Variants in NPAS2 observed in about 807,000 individuals in gnomAD.
NPAS2 encodes neuronal PAS domain protein 2.
In NPAS2, 23 loss-of-function variants were observed where a neutral mutation model predicts 107.5. That is an observed-to-expected ratio of 0.21 (90% CI 0.15 to 0.30). The LOEUF (loss-of-function observed/expected upper bound fraction) is 0.30, where lower values mean the gene tolerates loss of function less well. Among genes scored for constraint, NPAS2 ranks in the 10% least tolerant of loss-of-function variants. The probability of loss-of-function intolerance (pLI) is 1.00; values close to 1 mark genes in which losing one functional copy is unlikely to be tolerated. For synonymous variants in NPAS2, 403 were observed against 417.5 expected (o/e 0.97, Z 0.42); for missense variants, 756 against 1,043.3 (o/e 0.72, Z 3.79).
intron 2 of NPAS2, among the ~76,000 whole-genome samples, chr2:100,922,818 C>T (rs1475335412): frequency 6.6e-6 from 1 of 152,178 alleles, no homozygotes; most frequent in African/African-American, 2.4e-5. Flanking sequence ...TGGAAACAAG[C>T]TTGTGTCTCT....
At chr2:100,974,047 G>T (rs780274724) in intron 12 of NPAS2, among the ~76,000 whole-genome samples, 5 of 152,142 alleles carry the variant, frequency 3.3e-5, no homozygotes, top group Non-Finnish European at 7.4e-5. Context: ...TCACCATGTT[G>T]GCCAGGCTGG....
At chr2:100,876,047 T>C (rs2104602415) in intron 1 of NPAS2, among the ~76,000 whole-genome samples, 1 of 152,280 alleles carries the variant, frequency 6.6e-6, no homozygotes, top group East Asian at 1.9e-4. Flanking sequence ...GTGGATCGAA[T>C]TATTTGCTTT....
intron 2 of NPAS2, among the ~76,000 whole-genome samples, chr2:100,921,933 T>A (rs1360491113): frequency 6.6e-6 from 1 of 152,200 alleles, no homozygotes; most frequent in East Asian, 1.9e-4. Context: ...AACCAGATGT[T>A]GTGGCATATT....
intron 2 of NPAS2, among the ~76,000 whole-genome samples, chr2:100,908,567 A>G (rs1682320515): frequency 1.3e-5 from 2 of 152,170 alleles, no homozygotes; most frequent in Non-Finnish European, 2.9e-5. Context: ...GGGGTAGAGA[A>G]AATAAGTTCT....
chr2:100,899,840 G>A (rs1026875200), intron 1 of NPAS2, among the ~76,000 whole-genome samples: 1 of 152,110 alleles, frequency 6.6e-6, no homozygotes, highest in African/African-American at 2.4e-5. Context: ...CAATTCAACA[G>A]GGAAATAAAT....
At chr2:100,854,760 C>T (rs529880202) in intron 1 of NPAS2, among the ~76,000 whole-genome samples, 28 of 152,270 alleles carry the variant, frequency 1.8e-4, no homozygotes, top group African/African-American at 5.3e-4. Context: ...GCCAAAATAA[C>T]TGAAGCCCCA....
In NPAS2 at chr2:100,837,445, G is replaced by A. The variant is rs567543936; in HGVS notation, c.-23+17031G>A. Among the ~76,000 whole-genome samples the A allele has an allele frequency of 1.0e-3, 159 of 152,148 alleles. 1 individual carries two copies. The highest frequency in any genetic ancestry group is 3.6e-3 in the African/African-American group (149 of 41,512). The stretch of plus-strand genomic sequence containing the variant: ...TGGGATTACAGGCATGCGCCATCAC[G>A]TCCAGCTAATTTTTTTGTATTTTTA... On this transcript the variant is annotated intron_variant, in intron 1 of 20. Transcript: ENST00000335681.
intron 18 of NPAS2, 144 bp from the exon 19 acceptor site, chr2:100,990,636 A>G: frequency 2.0e-6 from 2 of 982,782 alleles, no homozygotes; most frequent in Non-Finnish European, 3.1e-6. Context: ...CGCTGCGTCC[A>G]TCATCCTCAG....
At chr2:100,823,234 A>G (rs1424316452) in intron 1 of NPAS2, among the ~76,000 whole-genome samples, 1 of 152,186 alleles carries the variant, frequency 6.6e-6, no homozygotes, top group African/African-American at 2.4e-5. Flanking sequence ...CTAAATAAAC[A>G]TGTATTAAAT....
intron 19 of NPAS2, among the ~76,000 whole-genome samples, chr2:100,992,393 G>A (rs926240866): frequency 6.6e-6 from 1 of 152,190 alleles, no homozygotes; most frequent in Non-Finnish European, 1.5e-5. Flanking sequence ...GTTAAATGTC[G>A]GCTCTGTGTC....
At chr2:100,970,427 G>A (rs1334446527) in intron 11 of NPAS2, among the ~76,000 whole-genome samples, 3 of 152,224 alleles carry the variant, frequency 2.0e-5, no homozygotes, top group East Asian at 1.9e-4. Context: ...CACACTCGGG[G>A]CAGAGGCACT....
chr2:100,912,101 G>A (rs1323533339), intron 2 of NPAS2, among the ~76,000 whole-genome samples: 1 of 152,148 alleles, frequency 6.6e-6, no homozygotes, highest in Non-Finnish European at 1.5e-5. Context: ...GTATATTTCA[G>A]TTCTACCAGA....
In NPAS2 at chr2:100,995,696, A is replaced by G. The variant is rs1254488754; in HGVS notation, c.*114A>G. The G allele has an allele frequency of 1.3e-6, 2 of 1,549,784 alleles. No individual in the cohort carries two copies. The highest frequency in any genetic ancestry group is 2.4e-5 in the East Asian group (1 of 40,960). Reference sequence around the variant, plus strand: ...AACCCCTGGCTTTTGTGCACACTGCATACGTTTCAGAACTCCTGGATGGTA... The same window carrying G: ...AACCCCTGGCTTTTGTGCACACTGCGTACGTTTCAGAACTCCTGGATGGTA... On this transcript the variant is annotated 3_prime_UTR_variant, in exon 21 of 21. Coordinates refer to ENST00000335681, the MANE Select transcript of NPAS2 (RefSeq NM_002518.4).
chr2:100,835,081 G>A (rs1676973486), intron 1 of NPAS2, among the ~76,000 whole-genome samples: 1 of 152,126 alleles, frequency 6.6e-6, no homozygotes, highest in African/African-American at 2.4e-5. Context: ...GATCATTTGG[G>A]AGGGGGGACC....
chr2:100,829,428 T>C (rs945544015), intron 1 of NPAS2, among the ~76,000 whole-genome samples: 1 of 152,192 alleles, frequency 6.6e-6, no homozygotes, highest in Non-Finnish European at 1.5e-5. Flanking sequence ...GGAACTGTGT[T>C]CTTGATTTGG....
At chr2:100,866,959 C>T (rs193205218) in intron 1 of NPAS2, among the ~76,000 whole-genome samples, 2 of 152,302 alleles carry the variant, frequency 1.3e-5, no homozygotes, top group Admixed American at 1.3e-4. Flanking sequence ...ACATTAAGCA[C>T]ACCATTTTAA....
At chr2:100,852,622 G>A (rs1678273282) in intron 1 of NPAS2, among the ~76,000 whole-genome samples, 1 of 152,082 alleles carries the variant, frequency 6.6e-6, no homozygotes, top group Non-Finnish European at 1.5e-5. Flanking sequence ...GGAAAGAAGG[G>A]AGACAATGAG....
intron 2 of NPAS2, among the ~76,000 whole-genome samples, chr2:100,911,075 G>A (rs1321170563): frequency 1.3e-5 from 2 of 152,174 alleles, no homozygotes; most frequent in Non-Finnish European, 2.9e-5. Flanking sequence ...CAAAATAATT[G>A]CGGACTGTAT....
At chr2:100,859,195 G>A (rs924884259) in intron 1 of NPAS2, among the ~76,000 whole-genome samples, 4 of 152,308 alleles carry the variant, frequency 2.6e-5, no homozygotes, top group African/African-American at 9.6e-5. Flanking sequence ...CCCGAGAGGC[G>A]GAGGTTGCAG....
Sources: allele counts gnomAD v4.1 joint callset (sites outside exome capture counted in the v4.1 genomes callset), GRCh38; gene constraint gnomAD v4.1.1; transcripts MANE v1.5; gene names NCBI Gene and HGNC (gene_info 2026-07-23, HGNC 2026-07-21).